The following TLL1 variants were observed in gnomAD, a reference collection of about 807,000 sequenced individuals.
TLL1 encodes tolloid-like protein 1.
A neutral mutation model predicts 128.2 loss-of-function variants in TLL1; 49 were observed. The ratio of observed to expected loss-of-function variants is 0.38; its 90% CI spans 0.30 to 0.48. The LOEUF (loss-of-function observed/expected upper bound fraction) is 0.48. Among genes scored for constraint, TLL1 ranks in the 20% least tolerant of loss-of-function variants. The pLI is 0.96. For synonymous variants in TLL1, 454 were observed against 418.8 expected (o/e 1.08, Z -1.03); for missense variants, 1,123 against 1,242.0 (o/e 0.90, Z 1.44).
At chr4:166,084,455 T>C (rs188599939) in intron 18 of TLL1, among the ~76,000 whole-genome samples, 26 of 152,300 alleles carry the variant, frequency 1.7e-4, no homozygotes, top group Non-Finnish European at 3.1e-4. Flanking sequence ...AAAAAGTCAT[T>C]GCCCAGACCA....
At chr4:165,931,292 T>C (rs931269663) in intron 1 of TLL1, among the ~76,000 whole-genome samples, 2 of 152,206 alleles carry the variant, frequency 1.3e-5, no homozygotes, top group African/African-American at 2.4e-5. Flanking sequence ...AGGAATTTGA[T>C]AGTTTTCAGT....
intron 1 of TLL1, among the ~76,000 whole-genome samples, chr4:165,977,431 C>T (rs958404386): frequency 6.6e-6 from 1 of 152,166 alleles, no homozygotes; most frequent in African/African-American, 2.4e-5. Flanking sequence ...CCTCTCCAAT[C>T]GTGTGGATCA....
At chr4:165,944,950 T>G (rs1356403074) in intron 1 of TLL1, among the ~76,000 whole-genome samples, 1 of 151,874 alleles carries the variant, frequency 6.6e-6, no homozygotes, top group Non-Finnish European at 1.5e-5. Context: ...ATTCAACAAA[T>G]GAACTTGGTA....
intron 1 of TLL1, among the ~76,000 whole-genome samples, chr4:165,969,440 AG>A (rs1735535144): frequency 6.6e-6 from 1 of 152,108 alleles, no homozygotes; most frequent in African/African-American, 2.4e-5. Context: ...TATTTGATGG[AG>A]GTGGAGTGCA....
chr4:165,988,696 T>C (rs942518462), intron 1 of TLL1, among the ~76,000 whole-genome samples: 3 of 152,038 alleles, frequency 2.0e-5, no homozygotes, highest in Non-Finnish European at 2.9e-5. Context: ...AATGACTTGG[T>C]GGCTCTTGAA....
At chr4:166,078,468 T>C (rs1210967311) in intron 18 of TLL1, among the ~76,000 whole-genome samples, 2 of 152,202 alleles carry the variant, frequency 1.3e-5, no homozygotes, top group African/African-American at 4.8e-5. Context: ...ATAGAATCAA[T>C]TTTGTCTTGT....
In TLL1 at chr4:166,014,596, C is replaced by A. The variant is rs140330286; in HGVS notation, c.1042+36C>A. 6,226 of 1,608,412 alleles carry A rather than the reference C, an allele frequency of 3.9e-3. 20 individuals are homozygous for A. Among genetic ancestry groups the A allele is most frequent in the African/African-American group, 6.5e-3 (489 of 74,816 alleles). On this transcript the variant is annotated intron_variant, in intron 8 of 20. Coordinates refer to ENST00000061240, the MANE Select transcript of TLL1 (RefSeq NM_012464.5). The stretch of plus-strand genomic sequence containing the variant: ...ACACAAACACAAGAGCATGACTGTA[C>A]TTGATTGTGCTCTTCCAGATGAATA...
chr4:166,019,416 TAAAAATAAAAGTTGAAATTA>T (rs1383836045), intron 8 of TLL1, among the ~76,000 whole-genome samples: 3 of 152,214 alleles, frequency 2.0e-5, no homozygotes, highest in African/African-American at 4.8e-5. Context: ...TCTTTGTATC[TAAAAATAAAAGTTGAAATTA>T]AAAAATAAAA....
intron 15 of TLL1, among the ~76,000 whole-genome samples, chr4:166,060,480 G>C (rs1457705940): frequency 1.3e-5 from 2 of 151,918 alleles, no homozygotes; most frequent in East Asian, 3.9e-4. Context: ...TCAACTTCAT[G>C]TCACATAGAC....
chr4:165,879,226 G>A (rs145758068), intron 1 of TLL1, among the ~76,000 whole-genome samples: 20 of 152,186 alleles, frequency 1.3e-4, no homozygotes, highest in East Asian at 1.9e-4. Context: ...CATTACAGGC[G>A]TGAGCACCCG....
intron 1 of TLL1, among the ~76,000 whole-genome samples, chr4:165,927,889 G>T (rs1279202271): frequency 6.6e-6 from 1 of 152,068 alleles, no homozygotes; most frequent in Admixed American, 6.6e-5. Context: ...TTTCCAGTTT[G>T]GTTTCTTCTT....
chr4:165,957,996 C>T (rs1269404008), intron 1 of TLL1, among the ~76,000 whole-genome samples: 30 of 150,976 alleles, frequency 2.0e-4, no homozygotes, highest in East Asian at 7.9e-4. Context: ...TTACTGAGAA[C>T]GATGATTTCC....
At position 166,014,440 on chromosome 4, in the gene TLL1, A is replaced by G. The variant is rs375718088; in HGVS notation, c.922A>G (p.Met308Val). ...HYARNTFSRGMFLDTILPSRD... is the reference protein window; with the variant it reads ...HYARNTFSRGVFLDTILPSRD... ...TTTGCTTCTGCTTTTTTTCAGGGGG[A>G]TGTTTCTGGATACCATTCTCCCCTC... is the stretch of plus-strand genomic sequence containing the variant. The change falls in exon 8 of 21, where the codon ATG becomes GTG. Residue 308 changes from methionine (M) to valine (V), a missense_variant. This residue lies in a region of TLL1 where 480 missense variants were observed against 542.4 expected (regional missense o/e 0.89). Transcript: ENST00000061240. The G allele has an allele frequency of 5.7e-5, 92 of 1,611,630 alleles. 3 individuals carry two copies. The South Asian group carries it at 6.9e-4, about 12-fold the overall frequency.
intron 16 of TLL1, 89 bp downstream of exon 16, chr4:166,065,952 C>A: frequency 1.2e-6 from 1 of 843,268 alleles, no homozygotes; most frequent in Non-Finnish European, 1.6e-6. Context: ...TCATAGTTTT[C>A]TGTAAATGCA....
chr4:166,022,508 A>G (rs1307748826), intron 8 of TLL1, among the ~76,000 whole-genome samples: 1 of 152,120 alleles, frequency 6.6e-6, no homozygotes, highest in Non-Finnish European at 1.5e-5. Context: ...GACTTACCTA[A>G]TACAAATTAT....
In TLL1 at chr4:166,074,996, C is replaced by T; in HGVS notation, c.2307C>T (p.Cys769=). 2 of 1,613,388 alleles carry T rather than the reference C, an allele frequency of 1.2e-6. No homozygotes were observed. The highest frequency in any genetic ancestry group is 2.2e-5 in the East Asian group (1 of 44,832). Residue 769 remains cysteine, a synonymous_variant, in exon 17 of 21, where the codon TGC becomes TGT. Coordinates refer to ENST00000061240, the MANE Select transcript of TLL1 (RefSeq NM_012464.5). ...GFVLHDNKHD[C]KEAECEQKIH... Reference sequence around the variant, plus strand: ...TGCTACATGACAATAAACATGATTGCAAGGAAGGTATGGAACGGAATACAC... The same window carrying T: ...TGCTACATGACAATAAACATGATTGTAAGGAAGGTATGGAACGGAATACAC...
At chr4:166,002,037 C>A (rs1239932857) in intron 5 of TLL1, among the ~76,000 whole-genome samples, 5 of 152,126 alleles carry the variant, frequency 3.3e-5, no homozygotes, top group African/African-American at 1.2e-4. Context: ...TTAGTCTAAT[C>A]AGGCTGTTAT....
At chr4:166,037,319 A>G (rs1739050147) in intron 9 of TLL1, among the ~76,000 whole-genome samples, 1 of 152,214 alleles carries the variant, frequency 6.6e-6, no homozygotes, top group South Asian at 2.1e-4. Context: ...ATAAAAATAA[A>G]TTAGATACTA....
chr4:166,016,521 G>A (rs1038935220), intron 8 of TLL1, among the ~76,000 whole-genome samples: 1 of 151,760 alleles, frequency 6.6e-6, no homozygotes, highest in Non-Finnish European at 1.5e-5. Context: ...TACAATTCTT[G>A]GATATTTCAG....
Sources: gnomAD v4.1 joint callset for allele counts (sites outside exome capture counted in the v4.1 genomes callset) on GRCh38, gnomAD v4.1.1 for gene constraint, gnomAD v4.1.1 regional missense constraint, MANE v1.5 for transcripts, NCBI Gene and HGNC (gene_info 2026-07-23, HGNC 2026-07-21) for gene names.